Variants in ITGB1 observed in about 807,000 individuals in gnomAD.
The protein encoded by ITGB1 is integrin subunit beta 1.
A neutral mutation model predicts 86.5 loss-of-function variants in ITGB1; 24 were observed. The observed-to-expected ratio is 0.28, with a 90% CI of 0.20 to 0.39. The LOEUF (loss-of-function observed/expected upper bound fraction) is 0.39. ITGB1 is among the 10% of genes least tolerant of loss of function. The pLI is 1.00. For synonymous variants in ITGB1, 323 were observed against 316.8 expected (o/e 1.02, Z -0.21); for missense variants, 556 against 946.9 (o/e 0.59, Z 5.42).
intron 11 of ITGB1, among the ~76,000 whole-genome samples, chr10:32,915,480 A>G (rs529777600): frequency 7.9e-5 from 12 of 152,226 alleles, no homozygotes; most frequent in Non-Finnish European, 1.2e-4. Flanking sequence ...GATAAAGGGG[A>G]TATCACCACC....
chr10:32,924,696 T>C (rs1339060269), intron 6 of ITGB1, among the ~76,000 whole-genome samples: 1 of 152,146 alleles, frequency 6.6e-6, no homozygotes, highest in African/African-American at 2.4e-5. Flanking sequence ...CACACATCAA[T>C]GGCTAGTAAG....
In ITGB1 at chr10:32,935,484, GT is replaced by G. The variant is rs745913549; in HGVS notation, c.67+7del. 7.5e-6 allele frequency: 12 copies of G among 1,604,976 alleles called. No individual in the cohort carries two copies. The highest frequency in any genetic ancestry group is 1.0e-5 in the Non-Finnish European group (12 of 1,172,228). ...GAAAAGACAACTAAGAAAATTTTTTGTTTTTACCTGTTTGAGCAAACACACA... is the reference window on the plus strand; with the variant it reads ...GAAAAGACAACTAAGAAAATTTTTTGTTTTACCTGTTTGAGCAAACACACA... On this transcript the variant is annotated splice_region_variant and intron_variant, in intron 2 of 15. Transcript: ENST00000302278.
chr10:32,922,955 ACTG>A (rs918842617), intron 7 of ITGB1, among the ~76,000 whole-genome samples: 5 of 152,126 alleles, frequency 3.3e-5, no homozygotes, highest in Admixed American at 1.3e-4. Context: ...TCAAATATAA[ACTG>A]CTGAAGTGAG....
intron 1 of ITGB1, chr10:32,944,615 G>A: frequency 1.7e-6 from 1 of 581,694 alleles, no homozygotes; most frequent in East Asian, 4.0e-5. Flanking sequence ...GGCCCTATAT[G>A]AGCTGAAAAA....
intron 1 of ITGB1, among the ~76,000 whole-genome samples, chr10:32,936,871 T>G (rs796098679): frequency 3.3e-5 from 5 of 152,316 alleles, no homozygotes; most frequent in African/African-American, 1.2e-4. Context: ...AGTTTAGGTT[T>G]AATCGTTATT....
At chr10:32,950,756 G>T (rs2095041054) in intron 1 of ITGB1, among the ~76,000 whole-genome samples, 2 of 152,022 alleles carry the variant, frequency 1.3e-5, no homozygotes, top group Admixed American at 1.3e-4. Flanking sequence ...CAATGATAAT[G>T]ATAGCCTGGG....
chr10:32,902,909 AG>A (rs1467473813), intron 15 of ITGB1, among the ~76,000 whole-genome samples: 2 of 152,184 alleles, frequency 1.3e-5, no homozygotes, highest in African/African-American at 2.4e-5. Flanking sequence ...ATAAGAAAAA[AG>A]TTATTAACTT....
chr10:32,941,534 TA>T (rs2095018253), intron 1 of ITGB1, among the ~76,000 whole-genome samples: 2 of 152,118 alleles, frequency 1.3e-5, no homozygotes, highest in Non-Finnish European at 2.9e-5. Flanking sequence ...GAGAGCCAAA[TA>T]CCATCCATGC....
intron 15 of ITGB1, among the ~76,000 whole-genome samples, chr10:32,905,323 T>C (rs2094893070): frequency 6.6e-6 from 1 of 152,260 alleles, no homozygotes; most frequent in African/African-American, 2.4e-5. Context: ...ATTCCTGTAC[T>C]GTAGGCTCTT....
chr10:32,907,289 CAA>C (rs919447416), intron 15 of ITGB1: 2 of 297,640 alleles, frequency 6.7e-6, no homozygotes, highest in Non-Finnish European at 1.3e-5. Flanking sequence ...AAAACCCAAG[CAA>C]ATTGTAGTAA....
Position 32,922,652 on chromosome 10 carries a change from C to T in ITGB1, c.1026G>A (p.Gln342=). The T allele has an allele frequency of 6.3e-7, 1 of 1,583,888 alleles. No individual in the cohort carries two copies. The highest frequency in any genetic ancestry group is 8.7e-7 in the Non-Finnish European group (1 of 1,154,596). ...CTCACACATTTACCTTGTAAACAGG[C>T]TGAAATTCTTCAGTAACTGCAAAAA... ...QTIFAVTEEF[Q]PVYKELKNLI... The change falls in exon 8 of 16, where the codon CAG becomes CAA. Residue 342 remains glutamine, a synonymous_variant. Coordinates refer to ENST00000302278, the MANE Select transcript of ITGB1 (RefSeq NM_002211.4).
intron 7 of ITGB1, 55 bp downstream of exon 7, chr10:32,923,530 T>A: frequency 6.7e-7 from 1 of 1,496,596 alleles, no homozygotes. Flanking sequence ...CTCTTAGTAT[T>A]AAACATTAAA....
At position 32,925,858 on chromosome 10, in the gene ITGB1, T is replaced by A. The variant is rs7087306; in HGVS notation, c.786+13A>T. 6.9e-7 allele frequency: 1 copy of A among 1,458,946 alleles called. No homozygotes were observed. Among genetic ancestry groups the A allele is most frequent in the South Asian group, 1.1e-5 (1 of 87,924 alleles). The allele number at this position is 1,458,946 out of a possible 1,614,324, so 90.4% of individuals were successfully genotyped here. A position where few individuals can be genotyped will look rare whatever the true frequency, so the allele number is the denominator to read the frequency against. ...AGAAACAATATCCCCTGATAGGAAA[T>A]GAATGCGCTTACTCCACAAACTGCA... On this transcript the variant is annotated intron_variant, in intron 6 of 15. Transcript: ENST00000302278.
At chr10:32,907,253 G>A in intron 15 of ITGB1, 1 of 332,000 alleles carries the variant, frequency 3.0e-6, no homozygotes, top group Non-Finnish European at 5.7e-6. Context: ...TCTGAAATTT[G>A]TAATTTAAAA....
intron 1 of ITGB1, among the ~76,000 whole-genome samples, chr10:32,940,383 A>T (rs2095015551): frequency 6.6e-6 from 1 of 152,110 alleles, no homozygotes; most frequent in Admixed American, 6.5e-5. Flanking sequence ...TGCAGTAAAT[A>T]TATAAAGCAG....
intron 2 of ITGB1, among the ~76,000 whole-genome samples, chr10:32,935,271 T>C (rs568824287): frequency 1.3e-5 from 2 of 152,198 alleles, no homozygotes; most frequent in Non-Finnish European, 2.9e-5. Flanking sequence ...AGCATTTTAG[T>C]ACTTCACCAG....
chr10:32,936,704 T>C (rs746645807), intron 1 of ITGB1, among the ~76,000 whole-genome samples: 13 of 152,348 alleles, frequency 8.5e-5, no homozygotes, highest in East Asian at 1.9e-4. Context: ...TATGAATCTA[T>C]ATCTTTGATT....
At chr10:32,912,511 G>C (rs11009141) in intron 11 of ITGB1, among the ~76,000 whole-genome samples, 2,706 of 152,296 alleles carry the variant, frequency 0.018, 82 homozygotes, top group African/African-American at 0.061. Context: ...GCCTGGCTCA[G>C]AGGGTCCCAT....
intron 1 of ITGB1, among the ~76,000 whole-genome samples, chr10:32,946,748 C>CGGGG (rs1565833613): frequency 5.0e-4 from 2 of 4,018 alleles, no homozygotes; most frequent in African/African-American, 3.5e-3. Context: ...GTATGTATTT[C>CGGGG]TGGGGGGGGG....
Sources: allele counts gnomAD v4.1 joint callset (sites outside exome capture counted in the v4.1 genomes callset), GRCh38; gene constraint gnomAD v4.1.1; transcripts MANE v1.5; gene names NCBI Gene and HGNC (gene_info 2026-07-23, HGNC 2026-07-21).